Variants in OSBPL6 observed in about 807,000 individuals in gnomAD.
OSBPL6 encodes the protein oxysterol-binding protein-related protein 6.
OSBPL6 carries 49 observed loss-of-function variants against 125.8 expected under a neutral mutation model. That is an observed-to-expected ratio of 0.39 (90% CI 0.31 to 0.49). The LOEUF is 0.49. Among genes scored for constraint, OSBPL6 ranks in the 20% least tolerant of loss-of-function variants. The pLI, the probability that OSBPL6 is intolerant of heterozygous loss-of-function variation, is 0.88. For missense variants in OSBPL6, 986 were observed against 1,135.4 expected (o/e 0.87, Z 1.89); for synonymous variants, 394 against 391.8 (o/e 1.01, Z -0.07).
At chr2:178,262,978 A>C (rs1266746762) in intron 1 of OSBPL6, among the ~76,000 whole-genome samples, 1 of 152,218 alleles carries the variant, frequency 6.6e-6, no homozygotes, top group Non-Finnish European at 1.5e-5. Flanking sequence ...CTCTTCTGAT[A>C]CTTCATTAAT....
At chr2:178,212,580 A>G (rs1446891779) in intron 1 of OSBPL6, among the ~76,000 whole-genome samples, 1 of 152,180 alleles carries the variant, frequency 6.6e-6, no homozygotes, top group Non-Finnish European at 1.5e-5. Flanking sequence ...GGTCCCAAAG[A>G]CCGAATAACT....
rs987514346 is a variant in OSBPL6, at chr2:178,324,683, A to G, written c.195+414A>G. Among the ~76,000 whole-genome samples the G allele has an allele frequency of 7.2e-5, 11 of 152,240 alleles. 1 individual carries two copies. Among genetic ancestry groups the G allele is most frequent in the Admixed American group, 1.3e-4 (2 of 15,284 alleles). ...ACTATGAGAAGTATTTAAATCTATT[A>G]TCCCATTTAATATAGTTCTCATAAA... On this transcript the variant is annotated intron_variant, in intron 4 of 24. Transcript: ENST00000190611.
At chr2:178,303,389 T>C (rs1243586789) in intron 2 of OSBPL6, among the ~76,000 whole-genome samples, 1 of 152,196 alleles carries the variant, frequency 6.6e-6, no homozygotes, top group East Asian at 1.9e-4. Context: ...ATTCCCCCTG[T>C]AATTATTGGG....
At position 178,392,420 on chromosome 2, in the gene OSBPL6, C is replaced by G. The variant is rs771581308; in HGVS notation, c.2455C>G (p.Pro819Ala). 1.1e-5 allele frequency: 18 copies of G among 1,613,970 alleles called. No individual in the cohort carries two copies. The South Asian group carries it at 2.0e-4, about 18-fold the overall frequency. ...AKCIWRPGSM[P>A]TNYELYYGFT... is the part of the protein sequence containing the mutation. ...CATTGGCCTCTTTCCAGGTTCCATG[C>G]CAACAAACTATGAGCTGTACTATGG... Residue 819 changes from proline to alanine, a missense_variant, in exon 23 of 25, where the codon CCA becomes GCA. Physicochemically the swap from Pro to Ala is conservative, Grantham distance 27 (BLOSUM62 -1). Transcript: ENST00000190611.
chr2:178,263,765 C>T (rs2092137515), intron 1 of OSBPL6, among the ~76,000 whole-genome samples: 1 of 151,632 alleles, frequency 6.6e-6, no homozygotes, highest in Non-Finnish European at 1.5e-5. Context: ...ATCTCTCATA[C>T]CTCATGTCTG....
intron 14 of OSBPL6, among the ~76,000 whole-genome samples, chr2:178,373,430 T>C (rs1693584697): frequency 6.6e-6 from 1 of 152,228 alleles, no homozygotes. Flanking sequence ...AGTCATGTGT[T>C]TTATTGGTTA....
chr2:178,259,649 T>C (rs1574658816), intron 1 of OSBPL6, among the ~76,000 whole-genome samples: 1 of 152,190 alleles, frequency 6.6e-6, no homozygotes, highest in Non-Finnish European at 1.5e-5. Context: ...TTACCCTTAC[T>C]TTTAGCTTTT....
intron 1 of OSBPL6, among the ~76,000 whole-genome samples, chr2:178,273,803 A>G (rs2092417862): frequency 6.6e-6 from 1 of 152,178 alleles, no homozygotes; most frequent in African/African-American, 2.4e-5. Context: ...ACTCAGAGAA[A>G]GTCAGCTAAG....
chr2:178,306,263 T>A lies in OSBPL6; in HGVS notation c.79T>A (p.Ser27Thr). Residue 27 changes from serine (S) to threonine (T), a missense_variant, in exon 3 of 25, where the codon TCC becomes ACC. Around this residue, in one of 3 missense-constraint regions of OSBPL6, gnomAD observed 130 missense variants for 106.4 expected, o/e 1.22. Transcript: ENST00000190611. ...CCATAGAAGTGCCTCCTCTTCAACATCCTCCCAAAGGGACAGTAGGCAGGT... is the reference window on the plus strand; with the variant it reads ...CCATAGAAGTGCCTCCTCTTCAACAACCTCCCAAAGGGACAGTAGGCAGGT... ...PTHRSASSST[S>T]SQRDSRQSIH... 1 of 1,612,984 alleles carries A rather than the reference T, an allele frequency of 6.2e-7. No homozygotes were observed.
chr2:178,303,394 A>G (rs988834231), intron 2 of OSBPL6, among the ~76,000 whole-genome samples: 2 of 152,190 alleles, frequency 1.3e-5, no homozygotes, highest in East Asian at 3.8e-4. Flanking sequence ...CCCTGTAATT[A>G]TTGGGATTGT....
At chr2:178,205,409 G>A (rs1417142381) in intron 1 of OSBPL6, among the ~76,000 whole-genome samples, 6 of 152,148 alleles carry the variant, frequency 3.9e-5, no homozygotes, top group Admixed American at 1.3e-4. Context: ...ATGACAGTGA[G>A]GAGTGATGGG....
rs573456853 is a variant in OSBPL6 at position 178,389,217 on chromosome 2, A to G, written c.2301+64A>G. On this transcript the variant is annotated intron_variant, in intron 21 of 24. Coordinates refer to ENST00000190611, the MANE Select transcript of OSBPL6 (RefSeq NM_032523.4). Reference sequence around the variant, plus strand: ...AAAATGCTTCTTAAAGAAGAAATAGAATAATCACCTTAAATAGCAGCAAGT... The same window carrying G: ...AAAATGCTTCTTAAAGAAGAAATAGGATAATCACCTTAAATAGCAGCAAGT... 57 of 1,489,742 alleles carry G rather than the reference A, an allele frequency of 3.8e-5. 1 individual carries two copies. Among genetic ancestry groups the G allele is most frequent in the Non-Finnish European group, 6.4e-6 (7 of 1,088,574 alleles). 92.3% of individuals were successfully genotyped at this position (1,489,742 alleles called of 1,614,324 possible).
chr2:178,316,071 A>G (rs1265979569), intron 3 of OSBPL6, among the ~76,000 whole-genome samples: 2 of 152,180 alleles, frequency 1.3e-5, no homozygotes, highest in Non-Finnish European at 2.9e-5. Flanking sequence ...AAAGTTCTGC[A>G]CATACTGTAT....
chr2:178,318,221 A>C (rs959594726), intron 3 of OSBPL6, among the ~76,000 whole-genome samples: 4 of 152,194 alleles, frequency 2.6e-5, no homozygotes, highest in African/African-American at 7.2e-5. Flanking sequence ...ATTTCTTACA[A>C]TACAGGGTGT....
At chr2:178,208,472 C>T (rs2089656980) in intron 1 of OSBPL6, among the ~76,000 whole-genome samples, 2 of 152,166 alleles carry the variant, frequency 1.3e-5, no homozygotes, top group Non-Finnish European at 2.9e-5. Context: ...ATCTCCTGTA[C>T]ATTTGATATC....
At chr2:178,210,864 A>G (rs866885597) in intron 1 of OSBPL6, among the ~76,000 whole-genome samples, 11 of 151,452 alleles carry the variant, frequency 7.3e-5, no homozygotes, top group Admixed American at 2.0e-4. Flanking sequence ...CTCTGCTGGA[A>G]TGGCTCAGAG....
chr2:178,195,900 T>C (rs1574447520), intron 1 of OSBPL6, among the ~76,000 whole-genome samples: 1 of 152,218 alleles, frequency 6.6e-6, no homozygotes, highest in East Asian at 1.9e-4. Flanking sequence ...TTAGGAAATG[T>C]AGTCTTCACA....
chr2:178,335,036 A>G (rs571621272), intron 8 of OSBPL6, among the ~76,000 whole-genome samples: 4 of 152,180 alleles, frequency 2.6e-5, no homozygotes, highest in Non-Finnish European at 5.9e-5. Context: ...TCTCACCAGA[A>G]GGCAGACTGA....
intron 2 of OSBPL6, among the ~76,000 whole-genome samples, chr2:178,293,763 T>C (rs1445034582): frequency 2.0e-5 from 3 of 152,048 alleles, no homozygotes; most frequent in African/African-American, 7.2e-5. Context: ...TACCCATTAA[T>C]CATCCTCACC....
Sources: allele counts gnomAD v4.1 joint callset (sites outside exome capture counted in the v4.1 genomes callset), GRCh38; gene constraint gnomAD v4.1.1; regional missense constraint gnomAD v4.1.1; transcripts MANE v1.5; gene names NCBI Gene and HGNC (gene_info 2026-07-23, HGNC 2026-07-21).